The following HYAL4 variants were observed in gnomAD, a reference collection of about 807,000 sequenced individuals.
The protein encoded by HYAL4 is hyaluronidase-4.
HYAL4 carries 37 observed loss-of-function variants against 35.2 expected under a neutral mutation model. The ratio of observed to expected loss-of-function variants is 1.05; its 90% CI spans 0.81 to 1.38. The LOEUF (loss-of-function observed/expected upper bound fraction) is 1.38, where lower values mean the gene tolerates loss of function less well. Ranked by LOEUF, HYAL4 falls within the 40% of genes most tolerant of loss-of-function variation. The pLI is 0.00. For synonymous variants in HYAL4, 198 were observed against 203.2 expected, an observed-to-expected ratio of 0.97 and a Z score of 0.22; for missense variants, 572 against 572.4, an observed-to-expected ratio of 1.00 and a Z score of 0.01.
the HYAL4 span, among the ~76,000 whole-genome samples, chr7:123,811,578 C>T: frequency 2.6e-5 from 4 of 152,054 alleles, no homozygotes; most frequent in African/African-American, 9.7e-5. Context: ...TTTTAGATAA[C>T]ACTTCTTTGT....
At chr7:123,853,510 G>C (rs1273260704) in intron 2 of HYAL4, among the ~76,000 whole-genome samples, 1 of 152,188 alleles carries the variant, frequency 6.6e-6, no homozygotes, top group Non-Finnish European at 1.5e-5. Flanking sequence ...CATTGGTTCT[G>C]TTGATGTATG....
chr7:123,841,042 G>T (rs1806048811), upstream of HYAL4, among the ~76,000 whole-genome samples: 2 of 152,002 alleles, frequency 1.3e-5, 1 homozygote, highest in Non-Finnish European at 2.9e-5. Flanking sequence ...GGAGTGGTGA[G>T]AGAGGGCATC....
chr7:123,832,716 TG>T (rs1359021382), intron 1 of HYAL4, among the ~76,000 whole-genome samples: 1 of 151,892 alleles, frequency 6.6e-6, no homozygotes, highest in Admixed American at 6.6e-5. Context: ...TTAGCCAGGA[TG>T]GTCTCGATCT....
chr7:123,855,511 A>C (rs1033270371), intron 2 of HYAL4, among the ~76,000 whole-genome samples: 1 of 152,170 alleles, frequency 6.6e-6, no homozygotes, highest in African/African-American at 2.4e-5. Context: ...TTTCTTAAGA[A>C]TGTTGATATT....
At chr7:123,769,753 A>G in the HYAL4 span, among the ~76,000 whole-genome samples, 3 of 151,974 alleles carry the variant, frequency 2.0e-5, no homozygotes, top group African/African-American at 7.2e-5. Flanking sequence ...TATAGTTTAA[A>G]CAGTCCTTTT....
the HYAL4 span, among the ~76,000 whole-genome samples, chr7:123,812,554 T>C: frequency 6.6e-6 from 1 of 152,068 alleles, no homozygotes; most frequent in African/African-American, 2.4e-5. Flanking sequence ...ATAATGAAAA[T>C]CTCCTAGAAG....
chr7:123,789,461 A>T, the HYAL4 span, among the ~76,000 whole-genome samples: 141 of 152,328 alleles, frequency 9.3e-4, no homozygotes, highest in Admixed American at 1.7e-3. Context: ...AGGAGAGGCA[A>T]ATCAACTGCT....
chr7:123,811,784 T>C, the HYAL4 span, among the ~76,000 whole-genome samples: 2 of 152,086 alleles, frequency 1.3e-5, no homozygotes, highest in Admixed American at 1.3e-4. Context: ...CCTATATTAT[T>C]TTCTAGGAGT....
the HYAL4 span, among the ~76,000 whole-genome samples, chr7:123,764,541 A>C: frequency 6.6e-6 from 1 of 152,248 alleles, no homozygotes; most frequent in Non-Finnish European, 1.5e-5. Context: ...TAGGGATCTC[A>C]GTAAGAATTT....
the HYAL4 span, among the ~76,000 whole-genome samples, chr7:123,799,634 CA>C: frequency 6.6e-6 from 1 of 151,350 alleles, no homozygotes; most frequent in Non-Finnish European, 1.5e-5. Context: ...ACTAAAAATA[CA>C]AAAAATATAT....
At chr7:123,821,714 T>C in the HYAL4 span, among the ~76,000 whole-genome samples, 1 of 152,188 alleles carries the variant, frequency 6.6e-6, no homozygotes, top group Admixed American at 6.5e-5. Flanking sequence ...AAGGAATAAT[T>C]TCCAAGACCA....
chr7:123,808,418 CGTGTGT>C, the HYAL4 span, among the ~76,000 whole-genome samples: 6,057 of 142,646 alleles, frequency 0.042, 124 homozygotes, highest in South Asian at 0.048. Context: ...TGTATCATCA[CGTGTGT>C]GTGTGTGTGT....
At chr7:123,812,828 G>A in the HYAL4 span, among the ~76,000 whole-genome samples, 1 of 152,024 alleles carries the variant, frequency 6.6e-6, no homozygotes, top group Non-Finnish European at 1.5e-5. Context: ...TTTTTGTGGG[G>A]GAGTGGGAGT....
intron 1 of HYAL4, among the ~76,000 whole-genome samples, chr7:123,830,645 A>T (rs572746591): frequency 8.5e-4 from 130 of 152,120 alleles, no homozygotes; most frequent in Non-Finnish European, 1.6e-3. Context: ...AATCAGAAGG[A>T]ATTTATGTAT....
the HYAL4 span, among the ~76,000 whole-genome samples, chr7:123,788,026 T>C: frequency 6.6e-6 from 1 of 152,140 alleles, no homozygotes; most frequent in South Asian, 2.1e-4. Context: ...CCAATAAATA[T>C]TGGCTCAGTG....
the HYAL4 span, among the ~76,000 whole-genome samples, chr7:123,822,961 A>G: frequency 6.6e-6 from 1 of 152,198 alleles, no homozygotes; most frequent in Non-Finnish European, 1.5e-5. Context: ...TCCATCTGTT[A>G]AAGAAAAATA....
At chr7:123,825,805 CCTATT>C (rs1444299455), upstream of HYAL4, among the ~76,000 whole-genome samples, 3 of 151,826 alleles carry the variant, frequency 2.0e-5, no homozygotes, top group Non-Finnish European at 4.4e-5. Context: ...TTTTTGAAGA[CCTATT>C]CTTTATCAAT....
chr7:123,782,456 G>A, the HYAL4 span, among the ~76,000 whole-genome samples: 3 of 151,850 alleles, frequency 2.0e-5, no homozygotes, highest in African/African-American at 7.3e-5. Context: ...AATAGCAGAC[G>A]GGTATTGACA....
At chr7:123,800,652 CT>C in the HYAL4 span, among the ~76,000 whole-genome samples, 6 of 149,758 alleles carry the variant, frequency 4.0e-5, no homozygotes, top group Admixed American at 2.0e-4. Flanking sequence ...ATTTTTTTCT[CT>C]CTTTTTTTTT....
Sources: allele counts gnomAD v4.1 joint callset (sites outside exome capture counted in the v4.1 genomes callset), GRCh38; gene constraint gnomAD v4.1.1; transcripts MANE v1.5; gene names NCBI Gene and HGNC (gene_info 2026-07-23, HGNC 2026-07-21).